GRK2: variants seen among roughly 807,000 people sequenced by gnomAD.
GRK2 encodes G protein-coupled receptor kinase 2.
A neutral mutation model predicts 97.8 loss-of-function variants in GRK2; 23 were observed. That is an observed-to-expected ratio of 0.24 (90% CI 0.17 to 0.33). The LOEUF is 0.33. Ranked by LOEUF, GRK2 falls within the 10% of genes least tolerant of loss-of-function variation. The pLI, the probability that GRK2 is intolerant of heterozygous loss-of-function variation, is 1.00. For synonymous variants in GRK2, 425 were observed against 381.7 expected, an observed-to-expected ratio of 1.11 and a Z score of -1.32; for missense variants, 633 against 956.9, an observed-to-expected ratio of 0.66 and a Z score of 4.47.
chr11:67,285,011 G>A (rs1590856498), intron 19 of GRK2, 28 bp downstream of exon 19: 1 of 1,612,166 alleles, frequency 6.2e-7, no homozygotes, highest in Non-Finnish European at 8.5e-7. Flanking sequence ...GGGTCCGGGA[G>A]CCGGGCTTCC....
chr11:67,283,464 A>G, intron 15 of GRK2: 1 of 610,062 alleles, frequency 1.6e-6, no homozygotes, highest in Non-Finnish European at 2.9e-6. Flanking sequence ...GATGATGATG[A>G]TAGCAGCTTT....
chr11:67,270,551 C>T (rs61759803), intron 1 of GRK2, among the ~76,000 whole-genome samples: 5,916 of 152,282 alleles, frequency 0.039, 460 homozygotes, highest in Admixed American at 0.18. Flanking sequence ...AGCTCTCTCC[C>T]TCCCTCCTTC....
At position 67,279,679 on chromosome 11, in the gene GRK2, G is replaced by A; in HGVS notation, c.420G>A (p.Gln140=). The A allele has an allele frequency of 6.2e-7, 1 of 1,613,608 alleles. No homozygotes were observed. Among genetic ancestry groups the A allele is most frequent in the Non-Finnish European group, 8.5e-7 (1 of 1,179,982 alleles). ...EHVQGHLGKK[Q]VPPDLFQPYI... ...TCCAAGGCCACCTGGGGAAGAAGCA[G>A]GTGCCTCCGGATCTCTTCCAGGTGT... Residue 140 remains glutamine (Q), a synonymous_variant, in exon 5 of 21, where the codon CAG becomes CAA. Coordinates refer to ENST00000308595, the MANE Select transcript of GRK2 (RefSeq NM_001619.5).
At position 67,282,252 on chromosome 11, in the gene GRK2, C is replaced by T; in HGVS notation, c.958-19C>T. 1 of 1,611,754 alleles carries T rather than the reference C, an allele frequency of 6.2e-7. No homozygotes were observed. The highest frequency in any genetic ancestry group is 8.5e-7 in the Non-Finnish European group (1 of 1,178,742). On this transcript the variant is annotated intron_variant, in intron 11 of 20. Coordinates refer to ENST00000308595, the MANE Select transcript of GRK2 (RefSeq NM_001619.5). This position sits in a 1 kb window ranked among gnomAD's most constrained non-coding sequence, Gnocchi z 6.9. ...CCATCCTGAGCTGCCCCAGGCAGCT[C>T]ACTGGGCTTCCTTCACAGCCAGCCA... is the stretch of plus-strand genomic sequence containing the variant.
chr11:67,279,722 C>T (rs1211302842), intron 5 of GRK2, 22 bp downstream of exon 5: 2 of 1,613,668 alleles, frequency 1.2e-6, no homozygotes, highest in Non-Finnish European at 1.7e-6. Flanking sequence ...CCGGTCCCTC[C>T]CCAGGCAAGG....
In GRK2 at chr11:67,284,901, A is replaced by G; in HGVS notation, c.1709A>G (p.Asn570Ser). 1 of 1,613,434 alleles carries G rather than the reference A, an allele frequency of 6.2e-7. No homozygotes were observed. The highest frequency in any genetic ancestry group is 8.5e-7 in the Non-Finnish European group (1 of 1,179,992). ...CATGGCTACATGTCCAAGATGGGCA[A>G]CCCCTTCCTGACCCAGTGGCAGCGG... is the stretch of plus-strand genomic sequence containing the variant. ...IMHGYMSKMG[N>S]PFLTQWQRRY... Residue 570 changes from asparagine to serine, a missense_variant, in exon 19 of 21, where the codon AAC becomes AGC. Coordinates refer to ENST00000308595, the MANE Select transcript of GRK2 (RefSeq NM_001619.5).
Position 67,282,520 on chromosome 11 carries a change from A to G in GRK2, c.1138A>G (p.Met380Val), listed in dbSNP as rs915582205. The G allele has an allele frequency of 2.5e-6, 4 of 1,613,506 alleles. No individual in the cohort carries two copies. The highest frequency in any genetic ancestry group is 3.4e-6 in the Non-Finnish European group (4 of 1,179,980). ...TGCCGACTGGTTCTCTCTGGGGTGCATGCTCTTCAAGTTGCTGCGGGGGTG... is the reference window on the plus strand; with the variant it reads ...TGCCGACTGGTTCTCTCTGGGGTGCGTGCTCTTCAAGTTGCTGCGGGGGTG... ...SSADWFSLGC[M>V]LFKLLRGHSP... Residue 380 changes from methionine to valine, a missense_variant, in exon 13 of 21, where the codon ATG becomes GTG. Around this residue, in one of 4 missense-constraint regions of GRK2, gnomAD observed 192 missense variants for 362.3 expected, o/e 0.53. Coordinates refer to ENST00000308595, the MANE Select transcript of GRK2 (RefSeq NM_001619.5). The surrounding 1 kb of genome is among the most constrained non-coding windows in gnomAD (Gnocchi z 6.9).
chr11:67,273,500 T>C (rs537968387), intron 1 of GRK2, among the ~76,000 whole-genome samples: 19 of 152,216 alleles, frequency 1.2e-4, no homozygotes, highest in Non-Finnish European at 2.1e-4. Context: ...TCGCCCGTGC[T>C]TGCCACCCTG....
intron 17 of GRK2, 22 bp from the exon 18 acceptor site, chr11:67,284,189 C>A: frequency 6.2e-7 from 1 of 1,613,428 alleles, no homozygotes; most frequent in South Asian, 1.1e-5. Flanking sequence ...CCATGTGCCC[C>A]TGCCCCATCC....
chr11:67,267,490 C>T (rs772626869), intron 1 of GRK2, among the ~76,000 whole-genome samples: 1 of 152,194 alleles, frequency 6.6e-6, no homozygotes, highest in Non-Finnish European at 1.5e-5. Flanking sequence ...CCTCGGACCG[C>T]GCTCAGGTCG....
chr11:67,286,400 G>T lies in GRK2; in HGVS notation c.*950G>T. On this transcript the variant is annotated 3_prime_UTR_variant, in exon 21 of 21. Coordinates refer to ENST00000308595, the MANE Select transcript of GRK2 (RefSeq NM_001619.5). Reference sequence around the variant, plus strand: ...CATGCCCCCTCGTGCCAGTCGCGCTGCCTGTGTGGTGTCGCGCCTTCTCCC... The same window carrying T: ...CATGCCCCCTCGTGCCAGTCGCGCTTCCTGTGTGGTGTCGCGCCTTCTCCC... The T allele has an allele frequency of 1.4e-6, 1 of 700,970 alleles. No individual in the cohort carries two copies. The highest frequency in any genetic ancestry group is 2.6e-6 in the Non-Finnish European group (1 of 384,098). The allele number at this position is 700,970 out of a possible 1,614,324, so 43.4% of individuals were successfully genotyped here.
Position 67,286,447 on chromosome 11 carries a change from C to T in GRK2, c.*997C>T. 2.9e-6 allele frequency: 2 copies of T among 698,900 alleles called. No homozygotes were observed. Among genetic ancestry groups the T allele is most frequent in the Non-Finnish European group, 5.2e-6 (2 of 382,700 alleles). The allele number at this position is 698,900 out of a possible 1,614,324, so 43.3% of individuals were successfully genotyped here. ...TCCCCCCCGGGGCTGGGTTGGCGCA[C>T]CCTCCCCTCCCGTCTACTCATTCCC... On this transcript the variant is annotated 3_prime_UTR_variant, in exon 21 of 21. Transcript: ENST00000308595.
rs571739756 is a variant in GRK2 at position 67,276,302 on chromosome 11, G to A, written c.114-970G>A. 6.6e-6 allele frequency among the ~76,000 whole-genome samples: 1 copy of A among 152,324 alleles called. No homozygotes were observed. Among genetic ancestry groups the A allele is most frequent in the African/African-American group, 2.4e-5 (1 of 41,566 alleles). ...CAGGCCTCAGCTGGCTGTTGGGACA[G>A]ACCGGCAGGGCTGGGCTTGAGGTGG... is the stretch of plus-strand genomic sequence containing the variant. On this transcript the variant is annotated intron_variant, in intron 1 of 20. Transcript: ENST00000308595. The surrounding 1 kb of genome is among the most constrained non-coding windows in gnomAD (Gnocchi z 4.2).
Position 67,282,954 on chromosome 11 carries a change from C to A in GRK2, c.1227+136C>A. 8.5e-7 allele frequency: 1 copy of A among 1,177,040 alleles called. No individual in the cohort carries two copies. The highest frequency in any genetic ancestry group is 1.3e-5 in the South Asian group (1 of 74,860). The allele number at this position is 1,177,040 out of a possible 1,614,324, so 72.9% of individuals were successfully genotyped here. On this transcript the variant is annotated intron_variant, in intron 14 of 20. Coordinates refer to ENST00000308595, the MANE Select transcript of GRK2 (RefSeq NM_001619.5). This position sits in a 1 kb window ranked among gnomAD's most constrained non-coding sequence, Gnocchi z 6.9. ...CTACTCTGGCCTCTGAGACAGACCTCCTGCCCCATAGGCTCTCGCCCTCCC... is the reference window on the plus strand; with the variant it reads ...CTACTCTGGCCTCTGAGACAGACCTACTGCCCCATAGGCTCTCGCCCTCCC...
At position 67,281,581 on chromosome 11, in the gene GRK2, C is replaced by G; in HGVS notation, c.747+23C>G. On this transcript the variant is annotated intron_variant, in intron 9 of 20. Coordinates refer to ENST00000308595, the MANE Select transcript of GRK2 (RefSeq NM_001619.5). This position sits in a 1 kb window ranked among gnomAD's most constrained non-coding sequence, Gnocchi z 5.7. ...GGGGTGAGCTGGGTGGGCCGGGCTG[C>G]CGCTGAGGCTCTGGAACCCCGGGCG... 6.2e-7 allele frequency: 1 copy of G among 1,611,398 alleles called. No homozygotes were observed. Among genetic ancestry groups the G allele is most frequent in the South Asian group, 1.1e-5 (1 of 91,026 alleles).
Position 67,282,839 on chromosome 11 carries a change from A to G in GRK2, c.1227+21A>G, listed in dbSNP as rs750163253. ...CGATGGTGGGTGCAGGTCTCAGTGCAGGGCCGCAGGGGGCTGGGGGGAGCT... is the reference window on the plus strand; with the variant it reads ...CGATGGTGGGTGCAGGTCTCAGTGCGGGGCCGCAGGGGGCTGGGGGGAGCT... On this transcript the variant is annotated intron_variant, in intron 14 of 20. Transcript: ENST00000308595. The surrounding 1 kb of genome is among the most constrained non-coding windows in gnomAD (Gnocchi z 6.9). 1 of 1,599,822 alleles carries G rather than the reference A, an allele frequency of 6.3e-7. No homozygotes were observed. Among genetic ancestry groups the G allele is most frequent in the Admixed American group, 1.7e-5 (1 of 59,504 alleles).
At position 67,280,913 on chromosome 11, in the gene GRK2, A is replaced by T. The variant is rs1387566820; in HGVS notation, c.555+130A>T. 1.1e-5 allele frequency: 13 copies of T among 1,228,766 alleles called. No homozygotes were observed. In the South Asian group the frequency reaches 1.5e-4, roughly 14 times the overall value. The allele number at this position is 1,228,766 out of a possible 1,614,324, so 76.1% of individuals were successfully genotyped here. A position where few individuals can be genotyped will look rare whatever the true frequency, so the allele number is the denominator to read the frequency against. On this transcript the variant is annotated intron_variant, in intron 7 of 20. Coordinates refer to ENST00000308595, the MANE Select transcript of GRK2 (RefSeq NM_001619.5). ...TCCTTTAGCCCCCAGGGCCGTGGCT[A>T]TGGGGGTCAGGGCCGGGATCCCAGC... is the stretch of plus-strand genomic sequence containing the variant.
At position 67,282,749 on chromosome 11, in the gene GRK2, C is replaced by T; in HGVS notation, c.1161-3C>T. ...ACATTGGTTTTTGGCCTTTCTTGCC[C>T]AGGCACAGCCCCTTCCGGCAGCACA... On this transcript the variant is annotated splice_polypyrimidine_tract_variant and splice_region_variant and intron_variant, in intron 13 of 20. Transcript: ENST00000308595. The surrounding 1 kb of genome is among the most constrained non-coding windows in gnomAD (Gnocchi z 6.9). 1.9e-6 allele frequency: 3 copies of T among 1,611,574 alleles called. No homozygotes were observed. Among genetic ancestry groups the T allele is most frequent in the South Asian group, 1.1e-5 (1 of 90,984 alleles).
At chr11:67,272,068 A>T (rs1352099282) in intron 1 of GRK2, among the ~76,000 whole-genome samples, 1 of 152,178 alleles carries the variant, frequency 6.6e-6, no homozygotes, top group Admixed American at 6.5e-5. Flanking sequence ...AAGCTTTAGC[A>T]TCACTGTCAC....
Sources: gnomAD v4.1 joint callset for allele counts (sites outside exome capture counted in the v4.1 genomes callset) on GRCh38, gnomAD v4.1.1 for gene constraint, gnomAD v4.1.1 regional missense constraint, Gnocchi (gnomAD v3.1) non-coding constraint, MANE v1.5 for transcripts, NCBI Gene and HGNC (gene_info 2026-07-23, HGNC 2026-07-21) for gene names.